The following RHOBTB1 variants were observed in gnomAD, a reference collection of about 807,000 sequenced individuals.
RHOBTB1 encodes Rho related BTB domain containing 1.
Under a neutral mutation model 71.6 loss-of-function variants are expected in RHOBTB1, and 40 were observed. The observed-to-expected ratio is 0.56, with a 90% CI of 0.43 to 0.73. The LOEUF is 0.73. Among genes scored for constraint, RHOBTB1 ranks in the 30% least tolerant of loss-of-function variants. The pLI, the probability that RHOBTB1 is intolerant of heterozygous loss-of-function variation, is 0.00. For missense variants in RHOBTB1, 797 were observed against 894.0 expected (o/e 0.89, Z 1.38); for synonymous variants, 319 against 334.9 (o/e 0.95, Z 0.52).
chr10:60,944,312 C>T (rs1432711012), upstream of RHOBTB1: 1 of 152,320 alleles, frequency 6.6e-6, no homozygotes, highest in East Asian at 1.9e-4. Context: ...CCGTGGCGGC[C>T]GCCGCTCGCA....
intron 2 of RHOBTB1, among the ~76,000 whole-genome samples, chr10:60,960,730 T>C (rs964426212): frequency 2.6e-5 from 4 of 152,216 alleles, no homozygotes; most frequent in Non-Finnish European, 5.9e-5. Context: ...TTCTGTAGCC[T>C]CTTGGGCTGC....
Position 60,886,168 on chromosome 10 carries a change from A to C in RHOBTB1, c.1519T>G (p.Cys507Gly), listed in dbSNP as rs773068196. 3 of 1,614,104 alleles carry C rather than the reference A, an allele frequency of 1.9e-6. No individual in the cohort carries two copies. Among genetic ancestry groups the C allele is most frequent in the Non-Finnish European group, 2.5e-6 (3 of 1,179,970 alleles). The part of the protein sequence containing the change: ...SAHKPLLICS[C>G]EWMAAMFGGS... The stretch of plus-strand genomic sequence containing the variant: ...CCGAACATGGCTGCCATCCACTCAC[A>C]GCTACAGATCAGCAGCGGCTTGTGG... Residue 507 changes from cysteine to glycine, a missense_variant, in exon 7 of 11, where the codon TGT becomes GGT. Cys to Gly is a radical substitution (Grantham distance 159). Coordinates refer to ENST00000337910, the MANE Select transcript of RHOBTB1 (RefSeq NM_014836.5).
intron 1 of RHOBTB1, among the ~76,000 whole-genome samples, chr10:60,987,226 C>T (rs1358320844): frequency 6.6e-6 from 1 of 152,122 alleles, no homozygotes. Flanking sequence ...CAAGAAACTC[C>T]CCTGAATTTT....
chr10:60,958,229 TG>T (rs1278866283), intron 2 of RHOBTB1, among the ~76,000 whole-genome samples: 1 of 152,164 alleles, frequency 6.6e-6, no homozygotes, highest in African/African-American at 2.4e-5. Context: ...AATTTAGTTT[TG>T]AGCACAGCAT....
intron 2 of RHOBTB1, among the ~76,000 whole-genome samples, chr10:60,950,403 C>T (rs1458455966): frequency 6.6e-6 from 1 of 152,180 alleles, no homozygotes; most frequent in East Asian, 1.9e-4. Flanking sequence ...TTATGTGTCA[C>T]AGCACATTTA....
upstream of RHOBTB1, among the ~76,000 whole-genome samples, chr10:60,946,078 T>G (rs2085220072): frequency 6.6e-6 from 1 of 151,944 alleles, no homozygotes; most frequent in Admixed American, 6.6e-5. Flanking sequence ...CTTGGGAGAC[T>G]GAGGCAGAAG....
intron 1 of RHOBTB1, among the ~76,000 whole-genome samples, chr10:60,986,640 A>G (rs1245925403): frequency 6.6e-6 from 1 of 151,784 alleles, no homozygotes; most frequent in Non-Finnish European, 1.5e-5. Flanking sequence ...TCATTGAGAA[A>G]TTTTTCATGT....
chr10:60,969,817 G>C (rs143209310), intron 2 of RHOBTB1, among the ~76,000 whole-genome samples: 25 of 152,074 alleles, frequency 1.6e-4, no homozygotes, highest in African/African-American at 5.5e-4. Context: ...ATCACTTTTA[G>C]GCTATGCTTT....
chr10:60,876,231 T>C (rs1213290039), intron 8 of RHOBTB1, among the ~76,000 whole-genome samples: 1 of 152,218 alleles, frequency 6.6e-6, no homozygotes, highest in Non-Finnish European at 1.5e-5. Context: ...AAACACCATG[T>C]TCTAAACACT....
chr10:60,936,691 C>T (rs2084604200), intron 2 of RHOBTB1, among the ~76,000 whole-genome samples: 2 of 152,224 alleles, frequency 1.3e-5, no homozygotes, highest in South Asian at 4.1e-4. Flanking sequence ...GTTAGAAATG[C>T]ATAATCTCAG....
At chr10:60,899,233 CCT>C (rs2133015939) in intron 4 of RHOBTB1, among the ~76,000 whole-genome samples, 1 of 152,322 alleles carries the variant, frequency 6.6e-6, no homozygotes, top group Non-Finnish European at 1.5e-5. Context: ...CTTAAACAGT[CCT>C]ACTTAACTCC....
At chr10:60,866,226 G>A (rs1168565571), downstream of RHOBTB1, among the ~76,000 whole-genome samples, 1 of 152,190 alleles carries the variant, frequency 6.6e-6, no homozygotes, top group Non-Finnish European at 1.5e-5. Flanking sequence ...TATCACCGGT[G>A]GAATGGAGGA....
chr10:60,896,508 T>C (rs754543214), intron 4 of RHOBTB1, among the ~76,000 whole-genome samples: 44 of 152,166 alleles, frequency 2.9e-4, no homozygotes, highest in Non-Finnish European at 5.7e-4. Flanking sequence ...ACAGGGTACA[T>C]GAGATTGTAA....
At chr10:60,910,527 G>C (rs2082910936) in intron 4 of RHOBTB1, among the ~76,000 whole-genome samples, 1 of 152,166 alleles carries the variant, frequency 6.6e-6, no homozygotes, top group African/African-American at 2.4e-5. Context: ...GAAGTAGGGT[G>C]ACCAAGTGCC....
intron 2 of RHOBTB1, among the ~76,000 whole-genome samples, chr10:60,961,811 GTTT>G (rs58771689): frequency 1.6e-5 from 2 of 127,200 alleles, no homozygotes; most frequent in Admixed American, 7.8e-5. Context: ...ACCTTTTTTT[GTTT>G]TTTTTTTTTT....
intron 2 of RHOBTB1, among the ~76,000 whole-genome samples, chr10:60,931,262 C>T (rs1173659306): frequency 6.6e-6 from 1 of 152,160 alleles, no homozygotes; most frequent in Non-Finnish European, 1.5e-5. Context: ...GGTTGTGCAA[C>T]CATTCCTGCG....
intron 1 of RHOBTB1, among the ~76,000 whole-genome samples, chr10:60,990,556 A>C (rs1242847424): frequency 6.6e-6 from 1 of 152,186 alleles, no homozygotes; most frequent in Non-Finnish European, 1.5e-5. Flanking sequence ...ATCCGTGCTC[A>C]ATAAAACACA....
At chr10:60,925,627 A>C (rs2083829369) in intron 2 of RHOBTB1, among the ~76,000 whole-genome samples, 1 of 152,104 alleles carries the variant, frequency 6.6e-6, no homozygotes, top group Non-Finnish European at 1.5e-5. Context: ...AATCAACAAA[A>C]TGAATTTTTT....
chr10:60,868,034 T>C (rs1203051240), downstream of RHOBTB1, among the ~76,000 whole-genome samples: 1 of 152,202 alleles, frequency 6.6e-6, no homozygotes. Context: ...CTTTCTTCAG[T>C]GGCCCTTTCC....
Sources: gnomAD v4.1 joint callset for allele counts (sites outside exome capture counted in the v4.1 genomes callset) on GRCh38, gnomAD v4.1.1 for gene constraint, MANE v1.5 for transcripts, NCBI Gene and HGNC (gene_info 2026-07-23, HGNC 2026-07-21) for gene names.